Variants in COXFA4 observed in about 807,000 individuals in gnomAD.
COXFA4 encodes cytochrome c oxidase associated subunit FA4, also known as cytochrome c oxidase subunit FA4.
the COXFA4 span, chr7:10,940,100 T>C: frequency 6.9e-6 from 11 of 1,599,674 alleles, no homozygotes; most frequent in East Asian, 2.2e-5. Context: ...AGAACCGACC[T>C]AGCCACCAGG....
chr7:10,932,389 A>T, the COXFA4 span: 1 of 152,222 alleles, frequency 6.6e-6, no homozygotes, highest in East Asian at 1.9e-4. Flanking sequence ...ATGGGTGTAA[A>T]TATCCACCAT....
At chr7:10,937,012 G>A in the COXFA4 span, among the ~76,000 whole-genome samples, 1 of 151,958 alleles carries the variant, frequency 6.6e-6, no homozygotes, top group African/African-American at 2.4e-5. Context: ...CTCCAGCCTG[G>A]GCGACAGAGT....
chr7:10,933,019 C>A, the COXFA4 span: 1 of 151,776 alleles, frequency 6.6e-6, no homozygotes, highest in African/African-American at 2.4e-5. Flanking sequence ...CAAGACTCAG[C>A]AGCCAAAATT....
chr7:10,932,525 A>T, the COXFA4 span: 1 of 152,256 alleles, frequency 6.6e-6, no homozygotes, highest in Admixed American at 6.5e-5. Flanking sequence ...ACTACCCTGT[A>T]AACATTTAAT....
At chr7:10,933,476 G>T in the COXFA4 span, 29 of 587,172 alleles carry the variant, frequency 4.9e-5, no homozygotes, top group African/African-American at 5.3e-4. Context: ...GTTATTTATT[G>T]ATTTAATCAT....
chr7:10,938,345 G>A, the COXFA4 span: 1 of 557,342 alleles, frequency 1.8e-6, no homozygotes, highest in Non-Finnish European at 3.1e-6. Flanking sequence ...GTAGAACACA[G>A]AATCCCTATC....
At chr7:10,937,830 T>G in the COXFA4 span, 1 of 474,142 alleles carries the variant, frequency 2.1e-6, no homozygotes, top group Admixed American at 3.4e-5. Flanking sequence ...AACACTGTGT[T>G]AGACTACCTA....
At chr7:10,939,751 C>G in the COXFA4 span, 1 of 535,876 alleles carries the variant, frequency 1.9e-6, no homozygotes, top group Non-Finnish European at 3.4e-6. Context: ...CCAGACTGTT[C>G]CAATATTCAC....
the COXFA4 span, chr7:10,939,828 C>T: frequency 4.2e-5 from 31 of 732,696 alleles, no homozygotes; most frequent in East Asian, 7.0e-4. Context: ...AGACAAAACC[C>T]CACAATGCAT....
the COXFA4 span, chr7:10,938,364 C>G: frequency 5.6e-6 from 3 of 531,250 alleles, no homozygotes; most frequent in Non-Finnish European, 9.9e-6. Flanking sequence ...TCACAAGATA[C>G]TTTTTATCTG....
chr7:10,939,853 C>T, the COXFA4 span: 1,953 of 826,656 alleles, frequency 2.4e-3, 17 homozygotes, highest in African/African-American at 0.017. Context: ...TAGAGGGTCA[C>T]AGAGGCCTGG....
the COXFA4 span, among the ~76,000 whole-genome samples, chr7:10,934,282 T>C: frequency 6.6e-6 from 1 of 151,846 alleles, no homozygotes; most frequent in Non-Finnish European, 1.5e-5. Flanking sequence ...TAATGGCTTT[T>C]AAATAATACG....
chr7:10,940,133 A>C, the COXFA4 span: 1 of 1,426,848 alleles, frequency 7.0e-7, no homozygotes, highest in South Asian at 1.1e-5. Context: ...AATTATCTGC[A>C]ATGAGACACT....
chr7:10,937,107 G>A, the COXFA4 span, among the ~76,000 whole-genome samples: 2 of 152,044 alleles, frequency 1.3e-5, no homozygotes, highest in African/African-American at 4.8e-5. Context: ...AAGCAGTGCT[G>A]GACACACACT....
chr7:10,933,414 T>TA, the COXFA4 span: 1 of 524,680 alleles, frequency 1.9e-6, no homozygotes, highest in East Asian at 3.2e-5. Flanking sequence ...TCCTATACTC[T>TA]AAAGTTCAGA....
chr7:10,936,709 G>A, the COXFA4 span, among the ~76,000 whole-genome samples: 1 of 152,240 alleles, frequency 6.6e-6, no homozygotes, highest in Non-Finnish European at 1.5e-5. Flanking sequence ...AGGTTAAGGG[G>A]AAAACGTGAA....
the COXFA4 span, chr7:10,933,090 A>T: frequency 6.5e-6 from 1 of 154,666 alleles, no homozygotes; most frequent in Non-Finnish European, 1.4e-5. Context: ...TTTCAACTTC[A>T]ATCCTAGGAC....
chr7:10,933,354 T>C, the COXFA4 span: 1 of 383,924 alleles, frequency 2.6e-6, no homozygotes, highest in African/African-American at 2.1e-5. Context: ...TAAAGTCGTA[T>C]TTTCAAACTA....
chr7:10,935,133 TCA>T, the COXFA4 span, among the ~76,000 whole-genome samples: 3 of 152,338 alleles, frequency 2.0e-5, no homozygotes, highest in Admixed American at 2.0e-4. Context: ...ATTTGCAGGA[TCA>T]AGGCCCTACA....
Sources: allele counts gnomAD v4.1 joint callset (sites outside exome capture counted in the v4.1 genomes callset), GRCh38; gene constraint gnomAD v4.1.1; transcripts MANE v1.5; gene names NCBI Gene and HGNC (gene_info 2026-07-23, HGNC 2026-07-21).